The following GPC6 variants were observed in gnomAD, a reference collection of about 807,000 sequenced individuals.
GPC6 encodes glypican-6.
In GPC6, 14 loss-of-function variants were observed where a neutral mutation model predicts 55.2. The observed-to-expected ratio is 0.25, with a 90% CI of 0.17 to 0.40. GPC6 has a LOEUF of 0.40. Ranked by LOEUF, GPC6 falls within the 10% of genes least tolerant of loss-of-function variation. The pLI is 1.00. For synonymous variants in GPC6, 278 were observed against 259.6 expected, an observed-to-expected ratio of 1.07 and a Z score of -0.68; for missense variants, 641 against 708.5, an observed-to-expected ratio of 0.90 and a Z score of 1.08.
chr13:93,370,723 A>G (rs1881417885), intron 1 of GPC6, among the ~76,000 whole-genome samples: 1 of 152,118 alleles, frequency 6.6e-6, no homozygotes, highest in Non-Finnish European at 1.5e-5. Flanking sequence ...TATGTTACAT[A>G]GATTTAAATA....
intron 1 of GPC6, among the ~76,000 whole-genome samples, chr13:93,356,965 T>G (rs749192965): frequency 2.6e-5 from 4 of 152,208 alleles, no homozygotes; most frequent in Non-Finnish European, 5.9e-5. Flanking sequence ...GAGAATTTAA[T>G]GAATCCTCTA....
intron 3 of GPC6, among the ~76,000 whole-genome samples, chr13:93,942,301 C>T (rs1878776658): frequency 6.6e-6 from 1 of 152,116 alleles, no homozygotes; most frequent in African/African-American, 2.4e-5. Context: ...CGAGCCTTGC[C>T]TCAGGACATC....
At chr13:94,195,481 G>T (rs1322760575) in intron 4 of GPC6, among the ~76,000 whole-genome samples, 1 of 152,142 alleles carries the variant, frequency 6.6e-6, no homozygotes, top group East Asian at 1.9e-4. Context: ...CTAAACAGTT[G>T]ATTTTCCTTA....
At chr13:94,205,831 A>G (rs772514106) in intron 4 of GPC6, among the ~76,000 whole-genome samples, 41 of 152,226 alleles carry the variant, frequency 2.7e-4, no homozygotes, top group Admixed American at 1.5e-3. Context: ...ATAAAGAGCT[A>G]TATGAAAACA....
chr13:93,244,333 G>A (rs1236198117), intron 1 of GPC6, among the ~76,000 whole-genome samples: 9 of 152,204 alleles, frequency 5.9e-5, no homozygotes, highest in African/African-American at 1.9e-4. Flanking sequence ...TCCCCCGCAA[G>A]ACAGAAACCG....
chr13:94,314,157 C>G (rs756201337), intron 6 of GPC6, among the ~76,000 whole-genome samples: 1 of 152,178 alleles, frequency 6.6e-6, no homozygotes, highest in Non-Finnish European at 1.5e-5. Flanking sequence ...CATGCTATGT[C>G]TTCTCCAGAG....
intron 3 of GPC6, among the ~76,000 whole-genome samples, chr13:93,987,400 G>T (rs1477841908): frequency 1.3e-5 from 2 of 152,154 alleles, no homozygotes; most frequent in Admixed American, 6.5e-5. Context: ...AGTTATTAAA[G>T]TTTTGACTAA....
chr13:93,625,187 C>T (rs1290526194), intron 2 of GPC6, among the ~76,000 whole-genome samples: 4 of 151,880 alleles, frequency 2.6e-5, no homozygotes, highest in Admixed American at 6.6e-5. Flanking sequence ...GAGGATGAGA[C>T]AAATTTAATA....
intron 1 of GPC6, among the ~76,000 whole-genome samples, chr13:93,354,732 G>T (rs746888535): frequency 2.0e-5 from 3 of 152,068 alleles, no homozygotes; most frequent in Non-Finnish European, 4.4e-5. Context: ...AGGTTGGTTA[G>T]AATAAGTAGT....
chr13:93,581,148 C>A (rs1173141835), intron 2 of GPC6, among the ~76,000 whole-genome samples: 1 of 152,156 alleles, frequency 6.6e-6, no homozygotes, highest in Non-Finnish European at 1.5e-5. Flanking sequence ...ACTAAAAAGG[C>A]TGACTCTCAA....
At chr13:93,818,316 G>A (rs1886933076) in intron 2 of GPC6, 1 of 151,678 alleles carries the variant, frequency 6.6e-6, no homozygotes. Flanking sequence ...GCCAGTTTTT[G>A]ATGGACCAGA....
chr13:93,617,249 T>G (rs1878760407), intron 2 of GPC6, among the ~76,000 whole-genome samples: 1 of 152,074 alleles, frequency 6.6e-6, no homozygotes, highest in Non-Finnish European at 1.5e-5. Context: ...AATTTATAAT[T>G]AGAAGGAATA....
intron 4 of GPC6, among the ~76,000 whole-genome samples, chr13:94,279,310 A>T (rs1594125970): frequency 7.0e-6 from 1 of 142,542 alleles, no homozygotes; most frequent in Admixed American, 6.9e-5. Flanking sequence ...TATTGTGTCT[A>T]TTTTATTCTT....
rs77506390 is a variant in GPC6, at chr13:93,431,648, T to C, written c.161-113615T>C. 2.1e-4 allele frequency among the ~76,000 whole-genome samples: 32 copies of C among 152,206 alleles called. No homozygotes were observed. The East Asian group carries it at 2.7e-3, about 13-fold the overall frequency. ...CCTTAAAGTCTTAAAATCTTACATA[T>C]GACATATGAAAGCCATCTCTGTGGA... On this transcript the variant is annotated intron_variant, in intron 1 of 8. Transcript: ENST00000377047.
chr13:94,138,085 A>G (rs1887248715), intron 4 of GPC6, among the ~76,000 whole-genome samples: 1 of 152,192 alleles, frequency 6.6e-6, no homozygotes, highest in Admixed American at 6.5e-5. Context: ...GAGCATCCCA[A>G]ATATGAAAAT....
chr13:93,833,275 T>A (rs1288900144), intron 3 of GPC6, among the ~76,000 whole-genome samples: 1 of 152,160 alleles, frequency 6.6e-6, no homozygotes, highest in Admixed American at 6.5e-5. Flanking sequence ...GATTACAAGA[T>A]GGTCTAGAGC....
intron 2 of GPC6, among the ~76,000 whole-genome samples, chr13:93,747,800 A>G (rs1393473906): frequency 6.6e-6 from 1 of 152,098 alleles, no homozygotes; most frequent in Non-Finnish European, 1.5e-5. Flanking sequence ...TCAACTTACC[A>G]TTGTTTCAAC....
intron 2 of GPC6, among the ~76,000 whole-genome samples, chr13:93,815,769 T>C (rs559499180): frequency 2.6e-5 from 4 of 152,334 alleles, no homozygotes; most frequent in African/African-American, 9.6e-5. Flanking sequence ...AGGATATCTA[T>C]TGTTTGTTTA....
At chr13:93,635,752 A>T (rs1338695189) in intron 2 of GPC6, among the ~76,000 whole-genome samples, 1 of 152,182 alleles carries the variant, frequency 6.6e-6, no homozygotes, top group East Asian at 1.9e-4. Flanking sequence ...TTGATATCAC[A>T]GGGAAAGCAC....
Sources: gnomAD v4.1 joint callset for allele counts (sites outside exome capture counted in the v4.1 genomes callset) on GRCh38, gnomAD v4.1.1 for gene constraint, MANE v1.5 for transcripts, NCBI Gene and HGNC (gene_info 2026-07-23, HGNC 2026-07-21) for gene names.